KAZN: variants seen among roughly 807,000 people sequenced by gnomAD.
The protein encoded by KAZN is kazrin, periplakin interacting protein.
A neutral mutation model predicts 87.4 loss-of-function variants in KAZN; 40 were observed. The ratio of observed to expected loss-of-function variants is 0.46; its 90% CI spans 0.36 to 0.60. The LOEUF (loss-of-function observed/expected upper bound fraction) is 0.60, where lower values mean the gene tolerates loss of function less well. Among genes scored for constraint, KAZN ranks in the 20% least tolerant of loss-of-function variants. KAZN has a pLI of 0.00. For missense variants in KAZN, 898 were observed against 1,073.9 expected, an observed-to-expected ratio of 0.84 and a Z score of 2.29; for synonymous variants, 466 against 458.3, an observed-to-expected ratio of 1.02 and a Z score of -0.22.
chr1:14,937,267 AC>A (rs1660566178), intron 1 of KAZN, among the ~76,000 whole-genome samples: 1 of 152,108 alleles, frequency 6.6e-6, no homozygotes, highest in African/African-American at 2.4e-5. Flanking sequence ...TTCATCATAG[AC>A]CCTGCTAGTT....
chr1:14,366,153 T>C (rs2100998002), intron 2 of KAZN, among the ~76,000 whole-genome samples: 1 of 152,348 alleles, frequency 6.6e-6, no homozygotes, highest in African/African-American at 2.4e-5. Flanking sequence ...GATCTAAACA[T>C]AATCCTTTAC....
At chr1:15,003,830 C>T (rs182933173) in intron 2 of KAZN, among the ~76,000 whole-genome samples, 92 of 152,238 alleles carry the variant, frequency 6.0e-4, no homozygotes, top group Admixed American at 1.1e-3. Flanking sequence ...CTGCTGTACC[C>T]CTCTCTTAGG....
intron 1 of KAZN, among the ~76,000 whole-genome samples, chr1:13,984,659 G>A (rs1638923585): frequency 6.6e-6 from 1 of 152,106 alleles, no homozygotes. Flanking sequence ...TTTTATGTAT[G>A]TTACTATATA....
chr1:14,554,102 A>G lies in KAZN; in HGVS notation c.250-44881A>G, dbSNP rs1444742481. 2.6e-5 allele frequency among the ~76,000 whole-genome samples: 4 copies of G among 152,136 alleles called. 1 individual carries two copies. Among genetic ancestry groups the G allele is most frequent in the African/African-American group, 9.7e-5 (4 of 41,420 alleles). On this transcript the variant is annotated intron_variant, in intron 2 of 16. Coordinates refer to the KAZN transcript ENST00000636203. ...CCCTCCCTAGCTGAGGAACTTGGGG[A>G]AATCAGTTCACCCCTTTGAGCCTCG...
intron 2 of KAZN, among the ~76,000 whole-genome samples, chr1:15,023,912 G>A (rs574009604): frequency 4.0e-5 from 6 of 150,144 alleles, no homozygotes; most frequent in South Asian, 4.3e-4. Context: ...AAGTTTGGGG[G>A]GGTGGTCAAG....
chr1:13,909,269 G>T (rs1444045658), intron 1 of KAZN, among the ~76,000 whole-genome samples: 1 of 152,166 alleles, frequency 6.6e-6, no homozygotes, highest in Non-Finnish European at 1.5e-5. Context: ...ATAACATCGG[G>T]GGTGATTTCA....
At chr1:14,836,462 T>C (rs1235104885) in intron 1 of KAZN, among the ~76,000 whole-genome samples, 1 of 152,188 alleles carries the variant, frequency 6.6e-6, no homozygotes, top group Non-Finnish European at 1.5e-5. Flanking sequence ...AGCCACCAGA[T>C]GTTCCACCGC....
rs560165886 is a variant in KAZN at position 14,579,137 on chromosome 1, G to T, written c.250-19846G>T. On this transcript the variant is annotated intron_variant, in intron 2 of 16. Coordinates refer to the KAZN transcript ENST00000636203. ...CTCCTGGAGTTCAAATCCTGCCTCTGCCACTTAGGGATTTGCCTAAGTGAC... is the reference window on the plus strand; with the variant it reads ...CTCCTGGAGTTCAAATCCTGCCTCTTCCACTTAGGGATTTGCCTAAGTGAC... Among the ~76,000 whole-genome samples, 6 of 152,212 alleles carry T rather than the reference G, an allele frequency of 3.9e-5. No homozygotes were observed. The East Asian group carries it at 1.2e-3, about 29-fold the overall frequency.
intron 1 of KAZN, among the ~76,000 whole-genome samples, chr1:14,607,485 A>G (rs2148613557): frequency 6.6e-6 from 1 of 152,326 alleles, no homozygotes; most frequent in African/African-American, 2.4e-5. Flanking sequence ...TTATTGTTCT[A>G]ATGTTGGCAT....
At chr1:14,650,006 G>T (rs1419700344) in intron 1 of KAZN, among the ~76,000 whole-genome samples, 1 of 147,260 alleles carries the variant, frequency 6.8e-6, no homozygotes, top group African/African-American at 2.5e-5. Flanking sequence ...GACAGTGGGT[G>T]CTGGTATCTT....
intron 1 of KAZN, among the ~76,000 whole-genome samples, chr1:14,609,766 A>G (rs900117305): frequency 6.6e-6 from 1 of 152,370 alleles, no homozygotes; most frequent in African/African-American, 2.4e-5. Flanking sequence ...CAAGTGGTCC[A>G]TGTGATTGAA....
In KAZN at chr1:14,506,866, T is replaced by C. The variant is rs1233528934; in HGVS notation, c.250-92117T>C. Among the ~76,000 whole-genome samples, 5 of 152,184 alleles carry C rather than the reference T, an allele frequency of 3.3e-5. No homozygotes were observed. In the South Asian group the frequency reaches 8.3e-4, roughly 25 times the overall value. On this transcript the variant is annotated intron_variant, in intron 2 of 16. Coordinates refer to the KAZN transcript ENST00000636203. ...TAGGAAAAGATACGGTGGCTACCGA[T>C]TGGACTTGACAGTGGTCTCAGCTTT... is the stretch of plus-strand genomic sequence containing the variant.
intron 1 of KAZN, among the ~76,000 whole-genome samples, chr1:14,745,625 T>C (rs1183616944): frequency 2.0e-5 from 3 of 152,152 alleles, no homozygotes; most frequent in Non-Finnish European, 4.4e-5. Flanking sequence ...TTGGCATGGG[T>C]TCATTTCTCT....
At chr1:14,422,508 T>C (rs1421516615) in intron 2 of KAZN, among the ~76,000 whole-genome samples, 1 of 152,218 alleles carries the variant, frequency 6.6e-6, no homozygotes, top group African/African-American at 2.4e-5. Flanking sequence ...TAAGCAGTCA[T>C]TTGTATTTTA....
intron 10 of KAZN, among the ~76,000 whole-genome samples, chr1:15,098,741 A>G (rs1446969201): frequency 6.6e-6 from 1 of 152,244 alleles, no homozygotes; most frequent in Non-Finnish European, 1.5e-5. Flanking sequence ...GTCTTGGGCC[A>G]GAAGTTTCCA....
At chr1:13,964,165 G>T (rs965007841) in intron 1 of KAZN, among the ~76,000 whole-genome samples, 16 of 152,162 alleles carry the variant, frequency 1.1e-4, no homozygotes, top group African/African-American at 3.1e-4. Context: ...CATATTCTAT[G>T]TGCATCAGTG....
intron 2 of KAZN, among the ~76,000 whole-genome samples, chr1:14,232,353 G>A (rs766205275): frequency 6.6e-6 from 1 of 152,158 alleles, no homozygotes; most frequent in Non-Finnish European, 1.5e-5. Context: ...AAAAAAGTTA[G>A]TAAATTATCC....
chr1:14,861,445 T>C (rs1650840989), intron 1 of KAZN, among the ~76,000 whole-genome samples: 1 of 152,086 alleles, frequency 6.6e-6, no homozygotes, highest in Non-Finnish European at 1.5e-5. Context: ...ATAGCACAAG[T>C]AGGAACAACA....
At chr1:14,029,637 G>T (rs915524668) in intron 1 of KAZN, among the ~76,000 whole-genome samples, 5 of 151,610 alleles carry the variant, frequency 3.3e-5, no homozygotes, top group Non-Finnish European at 5.9e-5. Context: ...AATCCATCTC[G>T]AATTGATTTT....
Sources: allele counts gnomAD v4.1 joint callset (sites outside exome capture counted in the v4.1 genomes callset), GRCh38; gene constraint gnomAD v4.1.1; transcripts MANE v1.5; gene names NCBI Gene and HGNC (gene_info 2026-07-23, HGNC 2026-07-21).